The following MTSS1 variants were observed in gnomAD, a reference collection of about 807,000 sequenced individuals.
MTSS1 encodes the protein MTSS I-BAR domain containing 1, also known as protein MTSS 1.
In MTSS1, 18 loss-of-function variants were observed where a neutral mutation model predicts 79.0. The observed-to-expected ratio is 0.23, with a 90% CI of 0.16 to 0.34. The LOEUF (loss-of-function observed/expected upper bound fraction) is 0.34, where lower values mean the gene tolerates loss of function less well. MTSS1 is among the 10% of genes least tolerant of loss of function. The probability of loss-of-function intolerance (pLI) is 1.00; values close to 1 mark genes in which losing one functional copy is unlikely to be tolerated. For missense variants in MTSS1, 815 were observed against 986.2 expected (o/e 0.83, Z 2.33); for synonymous variants, 341 against 368.6 (o/e 0.93, Z 0.86).
intron 6 of MTSS1, 114 bp downstream of exon 6, chr8:124,584,973 G>T: frequency 2.4e-6 from 2 of 840,316 alleles, no homozygotes; most frequent in South Asian, 3.2e-5. Context: ...GCTCCCACCT[G>T]TTTTCCAGGG....
intron 1 of MTSS1, 24 bp from the exon 2 acceptor site, chr8:124,704,215 T>C: frequency 6.2e-7 from 1 of 1,601,502 alleles, no homozygotes; most frequent in Non-Finnish European, 8.6e-7. Flanking sequence ...AAGACATCAG[T>C]AAGTCACACT....
Position 124,689,078 on chromosome 8 carries a change from C to A in MTSS1, c.208+10448G>T, listed in dbSNP as rs920064080. 5.3e-5 allele frequency among the ~76,000 whole-genome samples: 8 copies of A among 150,908 alleles called. No individual in the cohort carries two copies. The East Asian group carries it at 1.3e-3, about 25-fold the overall frequency. ...GTCTTTAAAATGAGTCAGAAGAATT[C>A]ACTGCCAAATTCTCGGTGACAGAAG... On this transcript the variant is annotated intron_variant, in intron 3 of 13. Coordinates refer to ENST00000518547, the MANE Select transcript of MTSS1 (RefSeq NM_014751.6).
chr8:124,560,961 C>T (rs907752479), intron 10 of MTSS1, among the ~76,000 whole-genome samples: 1 of 152,174 alleles, frequency 6.6e-6, no homozygotes. Flanking sequence ...ATGTATGCCC[C>T]CTTTCTCCCT....
At chr8:124,557,998 A>G in intron 10 of MTSS1, 123 bp from the exon 11 acceptor site, 1 of 757,260 alleles carries the variant, frequency 1.3e-6, no homozygotes, top group South Asian at 2.0e-5. Flanking sequence ...TAAATAAAAC[A>G]AACATTGGGG....
chr8:124,598,871 G>A (rs1398649570), intron 3 of MTSS1, among the ~76,000 whole-genome samples: 3 of 152,160 alleles, frequency 2.0e-5, no homozygotes, highest in Non-Finnish European at 2.9e-5. Flanking sequence ...ATCTAAGGCC[G>A]CAGCTGTCTG....
chr8:124,665,894 C>T (rs1219811436), intron 3 of MTSS1, among the ~76,000 whole-genome samples: 2 of 151,580 alleles, frequency 1.3e-5, no homozygotes, highest in Non-Finnish European at 2.9e-5. Flanking sequence ...AAATCTGGCC[C>T]CCAGAGACAG....
At chr8:124,634,162 C>G (rs1003124558) in intron 3 of MTSS1, among the ~76,000 whole-genome samples, 3 of 150,602 alleles carry the variant, frequency 2.0e-5, no homozygotes, top group Non-Finnish European at 4.4e-5. Flanking sequence ...AGCTGGAGGA[C>G]AGTGATGTAA....
At chr8:124,558,203 T>C (rs1020409790) in intron 10 of MTSS1, among the ~76,000 whole-genome samples, 2 of 152,082 alleles carry the variant, frequency 1.3e-5, no homozygotes, top group African/African-American at 4.8e-5. Flanking sequence ...TTAATGGTGA[T>C]AGTGATTTGC....
At chr8:124,558,764 G>A (rs755093743) in intron 10 of MTSS1, 5 of 1,584,574 alleles carry the variant, frequency 3.2e-6, no homozygotes, top group African/African-American at 1.3e-5. Flanking sequence ...TGACAGAGGT[G>A]GGGGAGCTGC....
Position 124,704,342 on chromosome 8 carries a change from C to T in MTSS1, c.73-151G>A, listed in dbSNP as rs552545770. 1,719 of 693,588 alleles carry T rather than the reference C, an allele frequency of 2.5e-3. 4 individuals are homozygous for T. Among genetic ancestry groups the T allele is most frequent in the Non-Finnish European group, 3.9e-3 (1,502 of 387,506 alleles). 43.0% of individuals were successfully genotyped at this position (693,588 alleles called of 1,614,324 possible). On this transcript the variant is annotated intron_variant, in intron 1 of 13. Coordinates refer to ENST00000518547, the MANE Select transcript of MTSS1 (RefSeq NM_014751.6). Reference sequence around the variant, plus strand: ...CAATACGTTTCCCGGATTCTATATACATGTATTGGCTCAGGAATCAGTTTA... The same window carrying T: ...CAATACGTTTCCCGGATTCTATATATATGTATTGGCTCAGGAATCAGTTTA...
intron 1 of MTSS1, among the ~76,000 whole-genome samples, chr8:124,723,326 G>A (rs1183883330): frequency 6.6e-6 from 1 of 152,160 alleles, no homozygotes. Flanking sequence ...AGTAAGAACT[G>A]GGCAATGGCT....
chr8:124,646,204 G>A (rs1818968335), intron 3 of MTSS1, among the ~76,000 whole-genome samples: 2 of 152,176 alleles, frequency 1.3e-5, no homozygotes, highest in Admixed American at 6.5e-5. Flanking sequence ...ATATTAGCAA[G>A]GCTGGGATTA....
At chr8:124,719,825 T>C (rs952496325) in intron 1 of MTSS1, among the ~76,000 whole-genome samples, 2 of 152,226 alleles carry the variant, frequency 1.3e-5, no homozygotes, top group Non-Finnish European at 2.9e-5. Flanking sequence ...TTAGCACTTA[T>C]TTCATGCTAA....
At chr8:124,671,445 G>A (rs557835060) in intron 3 of MTSS1, among the ~76,000 whole-genome samples, 37 of 152,114 alleles carry the variant, frequency 2.4e-4, no homozygotes, top group Non-Finnish European at 2.8e-4. Flanking sequence ...GGAAAGTCAC[G>A]ACTTTCTCAC....
chr8:124,645,294 G>A (rs1263535937), intron 3 of MTSS1, among the ~76,000 whole-genome samples: 2 of 152,220 alleles, frequency 1.3e-5, no homozygotes, highest in Non-Finnish European at 2.9e-5. Flanking sequence ...TCGGGAGGCT[G>A]AGGCGGGAGG....
At chr8:124,584,697 GA>G (rs1830559525) in intron 6 of MTSS1, among the ~76,000 whole-genome samples, 1 of 152,154 alleles carries the variant, frequency 6.6e-6, no homozygotes, top group African/African-American at 2.4e-5. Context: ...AAAGGGTTTT[GA>G]AGATTATAGG....
Position 124,691,568 on chromosome 8 carries a change from T to C in MTSS1, c.208+7958A>G, listed in dbSNP as rs538367771. Among the ~76,000 whole-genome samples, 3 of 152,220 alleles carry C rather than the reference T, an allele frequency of 2.0e-5. No homozygotes were observed. In the South Asian group the frequency reaches 6.2e-4, roughly 32 times the overall value. On this transcript the variant is annotated intron_variant, in intron 3 of 13. Coordinates refer to ENST00000518547, the MANE Select transcript of MTSS1 (RefSeq NM_014751.6). Reference sequence around the variant, plus strand: ...TCTTGCTCTGTTGCCCAGGCTGGAGTACAATGGTACGATCTTGGTTCACTG... The same window carrying C: ...TCTTGCTCTGTTGCCCAGGCTGGAGCACAATGGTACGATCTTGGTTCACTG...
chr8:124,558,796 T>A, intron 10 of MTSS1: 1 of 1,571,406 alleles, frequency 6.4e-7, no homozygotes. Flanking sequence ...GACTGGCAGG[T>A]TTCCGAGGCT....
intron 1 of MTSS1, among the ~76,000 whole-genome samples, chr8:124,714,495 C>T (rs1478862681): frequency 6.6e-6 from 1 of 152,094 alleles, no homozygotes; most frequent in Non-Finnish European, 1.5e-5. Context: ...TGGAGTCTTG[C>T]CGTGTTGCCC....
Sources: allele counts gnomAD v4.1 joint callset (sites outside exome capture counted in the v4.1 genomes callset), GRCh38; gene constraint gnomAD v4.1.1; transcripts MANE v1.5; gene names NCBI Gene and HGNC (gene_info 2026-07-23, HGNC 2026-07-21).